Variants in ZNF536 observed in about 807,000 individuals in gnomAD.
ZNF536 encodes zinc finger protein 536.
Under a neutral mutation model 84.5 loss-of-function variants are expected in ZNF536, and 13 were observed. The observed-to-expected ratio is 0.15, with a 90% CI of 0.10 to 0.24. The LOEUF (loss-of-function observed/expected upper bound fraction) is 0.24, where lower values mean the gene tolerates loss of function less well. Ranked by LOEUF, ZNF536 falls within the 10% of genes least tolerant of loss-of-function variation. The pLI is 1.00. For missense variants in ZNF536, 1,536 were observed against 1,747.5 expected, an observed-to-expected ratio of 0.88 and a Z score of 2.16; for synonymous variants, 811 against 742.5, an observed-to-expected ratio of 1.09 and a Z score of -1.50.
chr19:30,684,080 C>T (rs2051078136), intron 1 of ZNF536, among the ~76,000 whole-genome samples: 1 of 151,962 alleles, frequency 6.6e-6, no homozygotes, highest in African/African-American at 2.4e-5. Flanking sequence ...TTGGTCAAAC[C>T]ACAAGTAAAA....
chr19:30,660,543 A>G (rs1409918446), intron 1 of ZNF536, among the ~76,000 whole-genome samples: 2 of 152,266 alleles, frequency 1.3e-5, no homozygotes, highest in Non-Finnish European at 2.9e-5. Flanking sequence ...ACACAGTAAG[A>G]ACTGATAAAC....
intron 1 of ZNF536, among the ~76,000 whole-genome samples, chr19:30,678,927 C>T (rs557732414): frequency 2.6e-5 from 4 of 152,080 alleles, no homozygotes; most frequent in Admixed American, 2.6e-4. Context: ...CAGAGTGAGA[C>T]TCCATCCTAA....
intron 1 of ZNF536, among the ~76,000 whole-genome samples, chr19:30,275,439 G>C (rs1325384070): frequency 6.6e-6 from 1 of 152,192 alleles, no homozygotes; most frequent in Non-Finnish European, 1.5e-5. Flanking sequence ...CGGCCATGGG[G>C]GCCACTGGCT....
At chr19:30,415,284 C>CCTT (rs527266201) in intron 1 of ZNF536, among the ~76,000 whole-genome samples, 52,722 of 119,766 alleles carry the variant, frequency 0.44, 12,473 homozygotes, top group Non-Finnish European at 0.5. Context: ...TCCTCCTCCT[C>CCTT]CTTCTTCTTC....
intron 1 of ZNF536, among the ~76,000 whole-genome samples, chr19:30,595,389 G>A (rs191704560): frequency 1.3e-5 from 2 of 152,260 alleles, no homozygotes; most frequent in African/African-American, 4.8e-5. Flanking sequence ...CTCAGTTCAA[G>A]CTGTCTTCTG....
In ZNF536 at chr19:30,549,123, G is replaced by A. The variant is rs2146238932; in HGVS notation, c.3504G>A (p.Glu1168=). The A allele has an allele frequency of 6.2e-7, 1 of 1,614,144 alleles. No homozygotes were observed. Among genetic ancestry groups the A allele is most frequent in the African/African-American group, 1.3e-5 (1 of 75,058 alleles). ...ACCTCTCTGACATTGCCTCCTCAGA[G>A]GACATGGACTCCTCCAAGGGGGAGA... ...TDDLSDIASS[E]DMDSSKGENN... is the part of the protein sequence containing the mutation. Residue 1168 remains glutamate, a synonymous_variant, in exon 4 of 5, where the codon GAG becomes GAA. Transcript: ENST00000355537.
intron 2 of ZNF536, among the ~76,000 whole-genome samples, chr19:30,462,512 G>T (rs748178003): frequency 2.6e-5 from 4 of 151,922 alleles, no homozygotes; most frequent in Admixed American, 2.0e-4. Context: ...GGCTATGGCT[G>T]TCTTGGTATG....
chr19:30,517,877 C>T (rs2044148617), intron 2 of ZNF536, among the ~76,000 whole-genome samples: 2 of 152,208 alleles, frequency 1.3e-5, no homozygotes, highest in South Asian at 4.1e-4. Flanking sequence ...CAATTAGAGT[C>T]CTCTGCCCCC....
intron 1 of ZNF536, among the ~76,000 whole-genome samples, chr19:30,234,773 A>ACG (rs1491175526): frequency 3.6e-4 from 54 of 149,994 alleles, no homozygotes; most frequent in African/African-American, 6.8e-4. Flanking sequence ...ACACACACAC[A>ACG]CGCGCACACG....
chr19:30,288,603 G>A (rs1441432314), intron 2 of ZNF536, among the ~76,000 whole-genome samples: 2 of 152,208 alleles, frequency 1.3e-5, no homozygotes, highest in Non-Finnish European at 2.9e-5. Flanking sequence ...ACAATGCATA[G>A]CAAAGGTATA....
intron 1 of ZNF536, among the ~76,000 whole-genome samples, chr19:30,568,141 A>C (rs1457148570): frequency 3.3e-5 from 5 of 152,214 alleles, no homozygotes; most frequent in African/African-American, 1.2e-4. Flanking sequence ...CAAGCTGGAG[A>C]AGTTTAAAGA....
chr19:30,276,988 G>A (rs1292126136), intron 1 of ZNF536, among the ~76,000 whole-genome samples: 1 of 152,066 alleles, frequency 6.6e-6, no homozygotes, highest in Non-Finnish European at 1.5e-5. Flanking sequence ...AGCCCAATCA[G>A]GGAAATGATT....
At chr19:30,620,950 G>C in intron 1 of ZNF536, among the ~76,000 whole-genome samples, 1 of 151,810 alleles carries the variant, frequency 6.6e-6, no homozygotes, top group East Asian at 1.9e-4. Flanking sequence ...TTTTATAATA[G>C]TCTTTATATT....
At chr19:30,632,563 G>A (rs56071600) in intron 1 of ZNF536, among the ~76,000 whole-genome samples, 5,661 of 152,200 alleles carry the variant, frequency 0.037, 133 homozygotes, top group Non-Finnish European at 0.055. Context: ...GTGAGATCAC[G>A]ACATTGCACT....
upstream of ZNF536, among the ~76,000 whole-genome samples, chr19:30,225,689 G>A (rs1474314439): frequency 6.8e-6 from 1 of 147,750 alleles, no homozygotes; most frequent in Admixed American, 6.7e-5. Context: ...AACAAAGGTG[G>A]GGGGGGGATC....
intron 1 of ZNF536, among the ~76,000 whole-genome samples, chr19:30,706,056 G>C (rs551360378): frequency 6.6e-5 from 10 of 152,180 alleles, no homozygotes; most frequent in Non-Finnish European, 1.5e-4. Flanking sequence ...GGTGATATCT[G>C]AGGTCCACAT....
At chr19:30,693,021 G>C (rs34254453) in intron 1 of ZNF536, among the ~76,000 whole-genome samples, 3 of 150,350 alleles carry the variant, frequency 2.0e-5, no homozygotes, top group African/African-American at 7.4e-5. Flanking sequence ...AAAACCTGGG[G>C]GGGAGAGAGA....
chr19:30,586,390 G>T (rs1332827519), intron 1 of ZNF536, among the ~76,000 whole-genome samples: 1 of 152,246 alleles, frequency 6.6e-6, no homozygotes, highest in Non-Finnish European at 1.5e-5. Flanking sequence ...AGTCACGTAA[G>T]TCCTAAGGTC....
chr19:30,493,549 A>T lies in ZNF536; in HGVS notation c.2171-41298A>T, dbSNP rs1398757412. Among the ~76,000 whole-genome samples the T allele has an allele frequency of 2.0e-5, 3 of 152,224 alleles. No individual in the cohort carries two copies. The East Asian group carries it at 5.8e-4, about 29-fold the overall frequency. ...CAAGAGAAAGAAGAAAAACAAATCC[A>T]TAATTTGGAACCGTTTAGGGCATCC... On this transcript the variant is annotated intron_variant, in intron 2 of 4. Coordinates refer to ENST00000355537, the MANE Select transcript of ZNF536 (RefSeq NM_014717.3).
Sources: allele counts gnomAD v4.1 joint callset (sites outside exome capture counted in the v4.1 genomes callset), GRCh38; gene constraint gnomAD v4.1.1; transcripts MANE v1.5; gene names NCBI Gene and HGNC (gene_info 2026-07-23, HGNC 2026-07-21).